ELOVL2: variants seen among roughly 807,000 people sequenced by gnomAD.
ELOVL2 encodes very long chain fatty acid elongase 2.
A neutral mutation model predicts 37.7 loss-of-function variants in ELOVL2; 38 were observed. That is an observed-to-expected ratio of 1.01 (90% CI 0.78 to 1.32). The LOEUF is 1.32. Ranked by LOEUF, ELOVL2 falls within the 40% of genes most tolerant of loss-of-function variation. ELOVL2 has a pLI of 0.00. For missense variants in ELOVL2, 352 were observed against 363.6 expected (o/e 0.97, Z 0.26); for synonymous variants, 115 against 122.3 (o/e 0.94, Z 0.40).
chr6:10,988,490 G>A (rs1782088370), intron 7 of ELOVL2, among the ~76,000 whole-genome samples: 1 of 152,218 alleles, frequency 6.6e-6, no homozygotes, highest in East Asian at 1.9e-4. Flanking sequence ...CTTGAACCCA[G>A]GAAGCAGAGG....
chr6:11,004,759 A>G (rs1384898999), intron 3 of ELOVL2, among the ~76,000 whole-genome samples: 2 of 152,228 alleles, frequency 1.3e-5, no homozygotes, highest in South Asian at 2.1e-4. Flanking sequence ...AAACTTTTCT[A>G]AGCCTCAGTA....
chr6:11,021,784 T>TA (rs1782768320), intron 1 of ELOVL2, among the ~76,000 whole-genome samples: 1 of 152,190 alleles, frequency 6.6e-6, no homozygotes, highest in Non-Finnish European at 1.5e-5. Context: ...GTGCATTCGT[T>TA]CATCTGTTTC....
chr6:10,999,927 G>A (rs1025090486), intron 4 of ELOVL2, among the ~76,000 whole-genome samples, 160 bp downstream of exon 4: 2 of 152,068 alleles, frequency 1.3e-5, no homozygotes, highest in African/African-American at 2.4e-5. Flanking sequence ...CTCTATAGAG[G>A]GATAGTTGGA....
chr6:10,995,437 A>C (rs1346139687), intron 4 of ELOVL2, among the ~76,000 whole-genome samples: 1 of 151,988 alleles, frequency 6.6e-6, no homozygotes, highest in African/African-American at 2.4e-5. Flanking sequence ...ACCCAAGTTC[A>C]TGACTCCTGG....
Position 10,989,799 on chromosome 6 carries a change from G to A in ELOVL2, c.669C>T (p.Ala223=), listed in dbSNP as rs368259009. Residue 223 remains alanine (A), a synonymous_variant, in exon 7 of 8, where the codon GCC becomes GCT. Coordinates refer to ENST00000354666, the MANE Select transcript of ELOVL2 (RefSeq NM_017770.4). ...AGGGGAAGCCACACGGTTTCACGAC[G>A]GCGCTCATGGTGTGCGTGATGGTGA... ...FVLTITHTMS[A]VVKPCGFPFG... is the part of the protein sequence containing the mutation. 5.6e-5 allele frequency: 90 copies of A among 1,614,054 alleles called. No homozygotes were observed. Among genetic ancestry groups the A allele is most frequent in the South Asian group, 2.2e-4 (20 of 91,088 alleles).
intron 7 of ELOVL2, 72 bp downstream of exon 7, chr6:10,989,631 C>T: frequency 6.7e-7 from 1 of 1,490,652 alleles, no homozygotes; most frequent in Non-Finnish European, 9.2e-7. Flanking sequence ...AAGAGCGAAA[C>T]TCTGTCTCCA....
intron 1 of ELOVL2, among the ~76,000 whole-genome samples, chr6:11,016,161 T>TCTCC (rs1167432466): frequency 6.6e-5 from 10 of 152,232 alleles, no homozygotes; most frequent in African/African-American, 1.2e-4. Flanking sequence ...CCTTCTTCCT[T>TCTCC]CTTCCCCTTC....
intron 2 of ELOVL2, among the ~76,000 whole-genome samples, chr6:11,006,202 C>T (rs1262958136): frequency 2.6e-5 from 4 of 152,228 alleles, no homozygotes; most frequent in Non-Finnish European, 5.9e-5. Flanking sequence ...AGGCTGCAGA[C>T]AGCAGAGGCA....
In ELOVL2 at chr6:10,981,314, A is replaced by G. The variant is rs1781931866; in HGVS notation, c.*2467T>C. 1 of 152,640 alleles carries G rather than the reference A, an allele frequency of 6.6e-6. No homozygotes were observed. Among genetic ancestry groups the G allele is most frequent in the Non-Finnish European group, 1.5e-5 (1 of 68,044 alleles). 9.5% of individuals were successfully genotyped at this position (152,640 alleles called of 1,614,324 possible). On this transcript the variant is annotated 3_prime_UTR_variant, in exon 8 of 8. Coordinates refer to ENST00000354666, the MANE Select transcript of ELOVL2 (RefSeq NM_017770.4). ...ATTATAGAAATATTAATTTTTCAAT[A>G]GTTTTAGAAAAATCACATTAAAATA...
chr6:10,994,357 A>G (rs1782225154), intron 5 of ELOVL2, among the ~76,000 whole-genome samples: 1 of 150,954 alleles, frequency 6.6e-6, no homozygotes. Context: ...AATCCCAGCT[A>G]CTCAGGAGGT....
chr6:11,044,087 GC>G lies in ELOVL2; in HGVS notation c.3+140del. 9.0e-7 allele frequency: 1 copy of G among 1,107,536 alleles called. No individual in the cohort carries two copies. The allele number at this position is 1,107,536 out of a possible 1,614,324, so 68.6% of individuals were successfully genotyped here. ...CGCTCCCCAGGCCCGCGCGGACCCG[GC>G]CCCTCCGAGGGTAGCGGGTTCCAGC... is the stretch of plus-strand genomic sequence containing the variant. On this transcript the variant is annotated intron_variant, in intron 1 of 7. Coordinates refer to ENST00000354666, the MANE Select transcript of ELOVL2 (RefSeq NM_017770.4). The surrounding 1 kb of genome is among the most constrained non-coding windows in gnomAD (Gnocchi z 5.6).
At chr6:11,007,731 C>G (rs928058567) in intron 2 of ELOVL2, among the ~76,000 whole-genome samples, 1 of 152,174 alleles carries the variant, frequency 6.6e-6, no homozygotes, top group Non-Finnish European at 1.5e-5. Context: ...AACTATAGTA[C>G]ATGCTCCAGG....
chr6:11,027,354 G>A lies in ELOVL2; in HGVS notation c.4-16545C>T, dbSNP rs541498123. Among the ~76,000 whole-genome samples the A allele has an allele frequency of 2.6e-5, 4 of 152,198 alleles. No individual in the cohort carries two copies. In the South Asian group the frequency reaches 6.2e-4, roughly 24 times the overall value. On this transcript the variant is annotated intron_variant, in intron 1 of 7. Coordinates refer to ENST00000354666, the MANE Select transcript of ELOVL2 (RefSeq NM_017770.4). The stretch of plus-strand genomic sequence containing the variant: ...TTTAAACCTCAGATGAGTAGGAGCA[G>A]CTTATTGGCTCTCGTCATATGGGAG...
chr6:10,985,308 G>C (rs1782028303), intron 7 of ELOVL2, among the ~76,000 whole-genome samples: 2 of 151,814 alleles, frequency 1.3e-5, no homozygotes, highest in African/African-American at 4.9e-5. Context: ...CCATTCTGTA[G>C]GTTGCCTGTT....
At chr6:11,018,506 C>A (rs924745205) in intron 1 of ELOVL2, among the ~76,000 whole-genome samples, 2 of 152,136 alleles carry the variant, frequency 1.3e-5, no homozygotes, top group African/African-American at 4.8e-5. Context: ...TTTCATTGAA[C>A]ACAGTTGAGG....
At chr6:11,032,052 T>G (rs1782937315) in intron 1 of ELOVL2, among the ~76,000 whole-genome samples, 2 of 152,204 alleles carry the variant, frequency 1.3e-5, no homozygotes, top group African/African-American at 2.4e-5. Flanking sequence ...TGTTTTCCTC[T>G]TGTACATATC....
intron 5 of ELOVL2, among the ~76,000 whole-genome samples, chr6:10,994,209 G>A (rs372360451): frequency 6.6e-6 from 1 of 151,972 alleles, no homozygotes; most frequent in South Asian, 2.1e-4. Context: ...GCCCACGCCT[G>A]TAATCCCACC....
At chr6:11,028,840 C>A (rs1226408937) in intron 1 of ELOVL2, among the ~76,000 whole-genome samples, 2 of 151,852 alleles carry the variant, frequency 1.3e-5, no homozygotes, top group African/African-American at 4.8e-5. Context: ...ATGTTCATCC[C>A]CCTTTGACAG....
chr6:11,027,252 A>G (rs1396464700), intron 1 of ELOVL2, among the ~76,000 whole-genome samples: 3 of 152,228 alleles, frequency 2.0e-5, no homozygotes, highest in African/African-American at 7.2e-5. Context: ...ACAGCATTGT[A>G]AAGGCTCAAG....
Sources: allele counts gnomAD v4.1 joint callset (sites outside exome capture counted in the v4.1 genomes callset), GRCh38; gene constraint gnomAD v4.1.1; non-coding constraint Gnocchi (gnomAD v3.1); transcripts MANE v1.5; gene names NCBI Gene and HGNC (gene_info 2026-07-23, HGNC 2026-07-21).